VPS8: variants seen among roughly 807,000 people sequenced by gnomAD.
The protein encoded by VPS8 is vacuolar protein sorting-associated protein 8 homolog.
VPS8 carries 129 observed loss-of-function variants against 216.4 expected under a neutral mutation model. The observed-to-expected ratio is 0.60, with a 90% CI of 0.52 to 0.69. The LOEUF is 0.69. Among genes scored for constraint, VPS8 ranks in the 30% least tolerant of loss-of-function variants. VPS8 has a pLI of 0.00. For missense variants in VPS8, 1,531 were observed against 1,683.5 expected (o/e 0.91, Z 1.59); for synonymous variants, 571 against 565.4 (o/e 1.01, Z -0.14).
At chr3:184,949,297 TA>T (rs998416850) in intron 36 of VPS8, among the ~76,000 whole-genome samples, 40 of 146,386 alleles carry the variant, frequency 2.7e-4, no homozygotes, top group African/African-American at 3.7e-4. Flanking sequence ...ATTCTGTCTT[TA>T]AAAAAAAAAA....
chr3:184,971,503 A>G (rs533665003), intron 39 of VPS8, 146 bp from the exon 40 acceptor site: 2 of 541,124 alleles, frequency 3.7e-6, no homozygotes, highest in Non-Finnish European at 6.4e-6. Context: ...TTTTTAATCT[A>G]TAAAACATTA....
chr3:184,872,563 A>G (rs914104270), intron 21 of VPS8, among the ~76,000 whole-genome samples: 1 of 152,088 alleles, frequency 6.6e-6, no homozygotes, highest in Non-Finnish European at 1.5e-5. Context: ...TTCTGTTGGT[A>G]AGAGTATCTG....
chr3:184,827,591 G>C (rs565654839), intron 3 of VPS8, among the ~76,000 whole-genome samples: 55 of 152,316 alleles, frequency 3.6e-4, no homozygotes, highest in Non-Finnish European at 6.2e-4. Context: ...TTAGAGGACT[G>C]TGTATAAGGC....
Position 184,956,525 on chromosome 3 carries a change from TG to T in VPS8, c.3036-848del, listed in dbSNP as rs1745631416. On this transcript the variant is annotated intron_variant, in intron 36 of 47. Transcript: ENST00000625842. ...CGTATTCCAGTTATTTATATAATAA[TG>T]AGCTTTAGTTGAGGAATTCCGAAGA... 2.0e-5 allele frequency among the ~76,000 whole-genome samples: 3 copies of T among 152,238 alleles called. No individual in the cohort carries two copies. In the South Asian group the frequency reaches 6.2e-4, roughly 32 times the overall value.
intron 1 of VPS8, among the ~76,000 whole-genome samples, chr3:184,823,995 T>A (rs1397457295): frequency 6.6e-6 from 1 of 152,246 alleles, no homozygotes; most frequent in Non-Finnish European, 1.5e-5. Flanking sequence ...GGGGTCATTG[T>A]TGTTTCCTTT....
At chr3:184,891,829 G>T (rs1051444593) in intron 22 of VPS8, among the ~76,000 whole-genome samples, 5 of 152,074 alleles carry the variant, frequency 3.3e-5, no homozygotes, top group Non-Finnish European at 2.9e-5. Flanking sequence ...GTATGGATTG[G>T]CAAGGGTTAG....
intron 21 of VPS8, chr3:184,882,511 T>C (rs747881730): frequency 2.7e-6 from 1 of 365,060 alleles, no homozygotes; most frequent in Non-Finnish European, 5.5e-6. Flanking sequence ...ATGAAGAACA[T>C]TGGTCTGTAG....
At chr3:184,817,543 G>C (rs1238212452) in intron 1 of VPS8, 1 of 152,204 alleles carries the variant, frequency 6.6e-6, no homozygotes, top group Non-Finnish European at 1.5e-5. Flanking sequence ...AGGAAGCAAA[G>C]TTTTAGCCGA....
intron 8 of VPS8, among the ~76,000 whole-genome samples, chr3:184,844,694 T>C (rs568692434): frequency 6.6e-6 from 1 of 152,352 alleles, no homozygotes; most frequent in Non-Finnish European, 1.5e-5. Context: ...CAGCATATTA[T>C]TCTTAAGTCC....
chr3:184,927,209 A>G (rs1169865078), intron 31 of VPS8, among the ~76,000 whole-genome samples: 1 of 152,074 alleles, frequency 6.6e-6, no homozygotes, highest in East Asian at 1.9e-4. Context: ...TAAAAAGCAT[A>G]CCCACCATAA....
chr3:184,949,436 T>C (rs1024225236), intron 36 of VPS8, among the ~76,000 whole-genome samples: 1 of 152,242 alleles, frequency 6.6e-6, no homozygotes, highest in African/African-American at 2.4e-5. Flanking sequence ...GAGTCTTTGC[T>C]GTCAGGCAGT....
Position 184,971,653 on chromosome 3 carries a change from C to G in VPS8, c.3321C>G (p.Thr1107=). 1.2e-6 allele frequency: 2 copies of G among 1,610,648 alleles called. No individual in the cohort carries two copies. Among genetic ancestry groups the G allele is most frequent in the Non-Finnish European group, 1.7e-6 (2 of 1,178,154 alleles). ...TTACACTTTTTCTAAATCTAGATAC[C>G]AAAGAGGATCCCTCATTGAAGGATG... ...LQEVTHQGEN[T]KEDPSLKDVE... Residue 1107 remains threonine, a synonymous_variant, in exon 40 of 48, where the codon ACC becomes ACG. Transcript: ENST00000625842.
At chr3:184,854,451 T>C (rs1724869104) in intron 13 of VPS8, among the ~76,000 whole-genome samples, 1 of 152,206 alleles carries the variant, frequency 6.6e-6, no homozygotes, top group African/African-American at 2.4e-5. Flanking sequence ...CTTTTGTTCT[T>C]AACCTTAACT....
At chr3:184,839,803 TTTTATAATGTCCTTTAATCACAG>T (rs1438428038) in intron 7 of VPS8, 51 bp downstream of exon 7, 5 of 1,552,440 alleles carry the variant, frequency 3.2e-6, no homozygotes, top group Non-Finnish European at 4.4e-6. Context: ...TCCTTTTGGG[TTTTATAATGTCCTTTAATCACAG>T]TTTATATAGT....
At chr3:184,893,976 T>A (rs1244875740) in intron 22 of VPS8, among the ~76,000 whole-genome samples, 2 of 152,234 alleles carry the variant, frequency 1.3e-5, no homozygotes, top group Non-Finnish European at 2.9e-5. Context: ...GTGGTCAATA[T>A]AACTCAAATT....
intron 42 of VPS8, among the ~76,000 whole-genome samples, chr3:184,991,011 A>G (rs1456163186): frequency 6.6e-6 from 1 of 151,908 alleles, no homozygotes; most frequent in Non-Finnish European, 1.5e-5. Flanking sequence ...TCTTTGCTGT[A>G]TGGCTGAAGT....
chr3:184,998,525 A>C (rs1444662288), intron 44 of VPS8, among the ~76,000 whole-genome samples: 1 of 125,536 alleles, frequency 8.0e-6, no homozygotes, highest in Non-Finnish European at 1.6e-5. Flanking sequence ...ATATATATAT[A>C]TATATATATA....
intron 1 of VPS8, chr3:184,816,064 G>A (rs1716255175): frequency 6.6e-6 from 1 of 152,172 alleles, no homozygotes; most frequent in Non-Finnish European, 1.5e-5. Flanking sequence ...TGCTTTTTAG[G>A]AGGAGTTCTT....
intron 39 of VPS8, among the ~76,000 whole-genome samples, chr3:184,968,141 A>G (rs975027360): frequency 6.6e-6 from 1 of 152,128 alleles, no homozygotes; most frequent in Non-Finnish European, 1.5e-5. Context: ...GAAATTATAT[A>G]GTGTTTGTCG....
Sources: allele counts gnomAD v4.1 joint callset (sites outside exome capture counted in the v4.1 genomes callset), GRCh38; gene constraint gnomAD v4.1.1; transcripts MANE v1.5; gene names NCBI Gene and HGNC (gene_info 2026-07-23, HGNC 2026-07-21).